Variants in PLBD1 observed in about 807,000 individuals in gnomAD.
PLBD1 encodes the protein lysosomal leucine aminopeptidase.
In PLBD1, 60 loss-of-function variants were observed where a neutral mutation model predicts 63.0. The observed-to-expected ratio is 0.95, with a 90% CI of 0.77 to 1.18. The LOEUF (loss-of-function observed/expected upper bound fraction) is 1.18. Ranked by LOEUF, PLBD1 falls within the 50% of genes most tolerant of loss-of-function variation. The probability of loss-of-function intolerance (pLI) is 0.00; values close to 1 mark genes in which losing one functional copy is unlikely to be tolerated. For missense variants in PLBD1, 598 were observed against 677.9 expected (o/e 0.88, Z 1.31); for synonymous variants, 262 against 248.0 (o/e 1.06, Z -0.53).
intron 1 of PLBD1, among the ~76,000 whole-genome samples, chr12:14,560,283 T>C (rs370787770): frequency 4.6e-5 from 7 of 152,352 alleles, no homozygotes; most frequent in African/African-American, 1.7e-4. Context: ...TTGGATTCTA[T>C]AATAATTTTT....
In PLBD1 at chr12:14,507,013, G is replaced by A; in HGVS notation, c.1292C>T (p.Ala431Val). 2 of 1,614,012 alleles carry A rather than the reference G, an allele frequency of 1.2e-6. No individual in the cohort carries two copies. Among genetic ancestry groups the A allele is most frequent in the Non-Finnish European group, 1.7e-6 (2 of 1,179,972 alleles). The stretch of plus-strand genomic sequence containing the variant: ...ACGCCGGAAAATTTTGGCTCGTGGA[G>A]CTAAATCATAAGAGTAGTCCAAGCC... ...KLGLDYSYDLAPRAKIFRRDQ... is the reference protein window; with the variant it reads ...KLGLDYSYDLVPRAKIFRRDQ... The change falls in exon 9 of 11, where the codon GCT becomes GTT. Residue 431 changes from alanine to valine, a missense_variant. Transcript: ENST00000240617.
chr12:14,561,273 T>C (rs1240109394), intron 1 of PLBD1, among the ~76,000 whole-genome samples: 1 of 151,850 alleles, frequency 6.6e-6, no homozygotes, highest in Non-Finnish European at 1.5e-5. Flanking sequence ...ATGATCCCTT[T>C]CCTTCATCCC....
Position 14,553,333 on chromosome 12 carries a change from G to A in PLBD1, c.195C>T (p.Asp65=), listed in dbSNP as rs78856185. 3.6e-4 allele frequency: 587 copies of A among 1,614,140 alleles called. 1 individual carries two copies. The East Asian group carries it at 0.01, about 28-fold the overall frequency. The change falls in exon 2 of 11, where the codon GAC becomes GAT. Residue 65 remains aspartate (D), a synonymous_variant. Coordinates refer to ENST00000240617, the MANE Select transcript of PLBD1 (RefSeq NM_024829.6). ...QVKNVMDKNG[D]AYGFYNNSVK... is the part of the protein sequence containing the mutation. ...CAGAGTTATTGTAAAAGCCATAGGC[G>A]TCCCCATTCTTGTCCATTACATTTT...
At chr12:14,509,875 AATCT>A (rs1360811452) in intron 8 of PLBD1, among the ~76,000 whole-genome samples, 10 of 152,072 alleles carry the variant, frequency 6.6e-5, no homozygotes, top group Non-Finnish European at 7.4e-5. Context: ...TCTCTCAATA[AATCT>A]ATCTATTTAT....
chr12:14,523,823 G>A (rs1165128952), intron 6 of PLBD1, among the ~76,000 whole-genome samples: 1 of 152,110 alleles, frequency 6.6e-6, no homozygotes, highest in Non-Finnish European at 1.5e-5. Context: ...CAAAGGAAAT[G>A]AAATAAGTAT....
chr12:14,567,505 C>T, intron 1 of PLBD1, 77 bp downstream of exon 1: 2 of 1,395,292 alleles, frequency 1.4e-6, no homozygotes, highest in South Asian at 1.5e-5. Flanking sequence ...TCAACTCGGC[C>T]GGACGCGGGG....
chr12:14,565,694 C>G (rs1430437934), intron 1 of PLBD1, among the ~76,000 whole-genome samples: 4 of 151,928 alleles, frequency 2.6e-5, no homozygotes, highest in African/African-American at 9.7e-5. Flanking sequence ...TGTTCGCAGG[C>G]TAGTAGAAGG....
rs1459918074 is a variant in PLBD1, at chr12:14,506,950, T to C, written c.1355A>G (p.Tyr452Cys). The part of the protein sequence containing the change: ...GKVTDTASMK[Y>C]IMRYNNYKKD... ...CTACGTACTGTTGTATCGCATGATA[T>C]ATTTCATGGATGCCGTATCAGTCAC... The change falls in exon 9 of 11, where the codon TAT (tyrosine) becomes TGT (cysteine). Residue 452 changes from tyrosine (Y) to cysteine (C), a missense_variant. Tyr to Cys is a radical substitution (Grantham distance 194, BLOSUM62 -2). Transcript: ENST00000240617. 5 of 1,613,992 alleles carry C rather than the reference T, an allele frequency of 3.1e-6. No individual in the cohort carries two copies. The Admixed American group carries it at 8.3e-5, about 27-fold the overall frequency.
chr12:14,544,309 G>C (rs1945599414), intron 2 of PLBD1, among the ~76,000 whole-genome samples: 1 of 152,186 alleles, frequency 6.6e-6, no homozygotes, highest in Non-Finnish European at 1.5e-5. Context: ...GAGTAGCTGG[G>C]ACTACTGGCG....
In PLBD1 at chr12:14,511,390, G is replaced by T; in HGVS notation, c.1056C>A (p.Asn352Lys). The part of the protein sequence containing the change: ...IFSKYNSGTY[N>K]NQYMVLDLKK... Reference sequence around the variant, plus strand: ...TCAGGTCCAGAACCATGTATTGATTGTTATAGGTGCCTGAAATATCAGGAA... The same window carrying T: ...TCAGGTCCAGAACCATGTATTGATTTTTATAGGTGCCTGAAATATCAGGAA... Residue 352 changes from asparagine to lysine, a missense_variant, in exon 8 of 11, where the codon AAC (asparagine) becomes AAA (lysine). Coordinates refer to ENST00000240617, the MANE Select transcript of PLBD1 (RefSeq NM_024829.6). 45 of 1,613,372 alleles carry T rather than the reference G, an allele frequency of 2.8e-5. No homozygotes were observed. Among genetic ancestry groups the T allele is most frequent in the Non-Finnish European group, 3.6e-5 (43 of 1,179,640 alleles).
intron 1 of PLBD1, among the ~76,000 whole-genome samples, chr12:14,562,570 A>G (rs1333241321): frequency 6.6e-6 from 1 of 151,514 alleles, no homozygotes; most frequent in Non-Finnish European, 1.5e-5. Context: ...CCTCTATTTC[A>G]TTTTTTACCA....
chr12:14,532,777 G>T (rs1945476554), intron 6 of PLBD1, among the ~76,000 whole-genome samples: 1 of 152,172 alleles, frequency 6.6e-6, no homozygotes, highest in Non-Finnish European at 1.5e-5. Context: ...GGCACTAGAA[G>T]GGGATTTTGA....
At position 14,511,476 on chromosome 12, in the gene PLBD1, T is replaced by C. The variant is rs781380601; in HGVS notation, c.1045+35A>G. On this transcript the variant is annotated intron_variant, in intron 7 of 10. Transcript: ENST00000240617. ...TAACAAGCCTAAATCAAAATATATG[T>C]CTGTGCCTAACAGTTATTCTGCAGG... 1.5e-5 allele frequency: 24 copies of C among 1,613,952 alleles called. No individual in the cohort carries two copies. In the African/African-American group the frequency reaches 3.2e-4, roughly 22 times the overall value.
intron 1 of PLBD1, among the ~76,000 whole-genome samples, chr12:14,555,240 T>G (rs1398052777): frequency 6.6e-6 from 1 of 152,200 alleles, no homozygotes; most frequent in East Asian, 1.9e-4. Flanking sequence ...TAGTTTCTAT[T>G]TCTTAAAAGT....
At chr12:14,512,290 A>G (rs1488925544) in intron 6 of PLBD1, among the ~76,000 whole-genome samples, 1 of 151,916 alleles carries the variant, frequency 6.6e-6, no homozygotes, top group African/African-American at 2.4e-5. Flanking sequence ...CTGGGGTTAC[A>G]GGTGTGCACC....
chr12:14,508,343 T>C (rs1324324654), intron 8 of PLBD1, among the ~76,000 whole-genome samples: 2 of 152,254 alleles, frequency 1.3e-5, no homozygotes, highest in Non-Finnish European at 2.9e-5. Flanking sequence ...TGCATTCAGA[T>C]GGAGTGCTTA....
chr12:14,533,537 T>C (rs1377752542), intron 6 of PLBD1, among the ~76,000 whole-genome samples: 2 of 152,238 alleles, frequency 1.3e-5, no homozygotes, highest in East Asian at 3.8e-4. Context: ...GATCCAGGAC[T>C]GTTAACACTA....
intron 6 of PLBD1, among the ~76,000 whole-genome samples, chr12:14,519,417 G>A (rs1026929835): frequency 1.3e-5 from 2 of 151,868 alleles, no homozygotes; most frequent in African/African-American, 2.4e-5. Context: ...TAAGGAGATC[G>A]AGACCACCTG....
At chr12:14,504,480 A>C (rs1334877456) in intron 10 of PLBD1, among the ~76,000 whole-genome samples, 1 of 152,236 alleles carries the variant, frequency 6.6e-6, no homozygotes, top group African/African-American at 2.4e-5. Flanking sequence ...CAAAAGTGAG[A>C]TATGAAGTCA....
Sources: gnomAD v4.1 joint callset for allele counts (sites outside exome capture counted in the v4.1 genomes callset) on GRCh38, gnomAD v4.1.1 for gene constraint, MANE v1.5 for transcripts, NCBI Gene and HGNC (gene_info 2026-07-23, HGNC 2026-07-21) for gene names.